The following DLGAP2 variants were observed in gnomAD, a reference collection of about 807,000 sequenced individuals.
The protein encoded by DLGAP2 is disks large-associated protein 2.
Under a neutral mutation model 100.3 loss-of-function variants are expected in DLGAP2, and 26 were observed. The ratio of observed to expected loss-of-function variants is 0.26; its 90% CI spans 0.19 to 0.36. The LOEUF (loss-of-function observed/expected upper bound fraction) is 0.36, where lower values mean the gene tolerates loss of function less well. Among genes scored for constraint, DLGAP2 ranks in the 10% least tolerant of loss-of-function variants. The pLI is 1.00. For missense variants in DLGAP2, 1,858 were observed against 1,453.2 expected (o/e 1.28, Z -4.53); for synonymous variants, 886 against 630.1 (o/e 1.41, Z -6.08).
At position 1,600,326 on chromosome 8, in the gene DLGAP2, T is replaced by C. The variant is rs559469767; in HGVS notation, c.1443-26414T>C. Among the ~76,000 whole-genome samples, 3 of 152,316 alleles carry C rather than the reference T, an allele frequency of 2.0e-5. No homozygotes were observed. The East Asian group carries it at 5.8e-4, about 29-fold the overall frequency. Reference sequence around the variant, plus strand: ...ATCATTTTTTCCTTCATTTCAACCTTGGTGAATCCGACGATTATGTGTCTT... The same window carrying C: ...ATCATTTTTTCCTTCATTTCAACCTCGGTGAATCCGACGATTATGTGTCTT... On this transcript the variant is annotated intron_variant, in intron 6 of 14. Coordinates refer to ENST00000637795, the MANE Select transcript of DLGAP2 (RefSeq NM_001346810.2).
At chr8:1,368,270 GTA>G (rs1326033155) in intron 3 of DLGAP2, among the ~76,000 whole-genome samples, 1 of 151,930 alleles carries the variant, frequency 6.6e-6, no homozygotes, top group Non-Finnish European at 1.5e-5. Context: ...GTGTGTGCAG[GTA>G]TGTGTGTATG....
chr8:757,517 A>T (rs941869625), intron 1 of DLGAP2, among the ~76,000 whole-genome samples: 2 of 152,006 alleles, frequency 1.3e-5, no homozygotes, highest in African/African-American at 4.8e-5. Flanking sequence ...GTGGGTTCCT[A>T]AGCATGAGCC....
intron 2 of DLGAP2, among the ~76,000 whole-genome samples, chr8:1,254,936 C>CCTCTCA (rs1799141722): frequency 3.1e-5 from 3 of 95,782 alleles, no homozygotes; most frequent in Admixed American, 1.3e-4. Context: ...TGTGTGCCCT[C>CCTCTCA]TCCTGCCCGG....
chr8:1,222,880 A>G (rs1471604487), intron 2 of DLGAP2, among the ~76,000 whole-genome samples: 1 of 152,146 alleles, frequency 6.6e-6, no homozygotes, highest in Non-Finnish European at 1.5e-5. Context: ...GACTGGCTGC[A>G]TCCCAGGAGC....
At chr8:902,246 G>C (rs1385289909) in intron 1 of DLGAP2, among the ~76,000 whole-genome samples, 1 of 152,134 alleles carries the variant, frequency 6.6e-6, no homozygotes, top group East Asian at 1.9e-4. Flanking sequence ...ATTCCTACTG[G>C]ATAGGAGTCC....
chr8:768,407 G>A (rs1401553875), intron 1 of DLGAP2, among the ~76,000 whole-genome samples: 1 of 150,778 alleles, frequency 6.6e-6, no homozygotes, highest in Non-Finnish European at 1.5e-5. Context: ...GAACCAGGAG[G>A]GAAGGCGTTG....
chr8:1,312,931 C>T (rs1242818332), intron 3 of DLGAP2, among the ~76,000 whole-genome samples: 1 of 152,192 alleles, frequency 6.6e-6, no homozygotes, highest in Non-Finnish European at 1.5e-5. Context: ...TGAGGCCAAG[C>T]CCTACGTGCG....
intron 2 of DLGAP2, among the ~76,000 whole-genome samples, chr8:917,314 C>G (rs1245835688): frequency 6.7e-6 from 1 of 148,522 alleles, no homozygotes; most frequent in African/African-American, 2.5e-5. Context: ...CCACAGTTCA[C>G]TAGAACCTCC....
chr8:1,129,219 C>G (rs1410373807), intron 2 of DLGAP2, among the ~76,000 whole-genome samples: 1 of 152,026 alleles, frequency 6.6e-6, no homozygotes, highest in Non-Finnish European at 1.5e-5. Context: ...TCCTGGCCAA[C>G]ATGGTGAAAA....
At chr8:980,092 C>T (rs1018418418) in intron 2 of DLGAP2, among the ~76,000 whole-genome samples, 1 of 152,174 alleles carries the variant, frequency 6.6e-6, no homozygotes, top group African/African-American at 2.4e-5. Context: ...GCATGGGACA[C>T]CAAGGCCAGA....
intron 6 of DLGAP2, among the ~76,000 whole-genome samples, chr8:1,566,450 A>C (rs956623410): frequency 2.0e-5 from 3 of 152,230 alleles, no homozygotes; most frequent in African/African-American, 7.2e-5. Flanking sequence ...TTGGGAAATC[A>C]GCAATTCCTA....
At chr8:788,782 C>A (rs576749290) in intron 1 of DLGAP2, among the ~76,000 whole-genome samples, 5 of 152,186 alleles carry the variant, frequency 3.3e-5, no homozygotes, top group Non-Finnish European at 7.3e-5. Context: ...CTTATTTTCA[C>A]TGGGTCGTGG....
At chr8:1,037,618 T>A (rs1056306193) in intron 2 of DLGAP2, among the ~76,000 whole-genome samples, 1 of 152,228 alleles carries the variant, frequency 6.6e-6, no homozygotes, top group Non-Finnish European at 1.5e-5. Context: ...CTACAAAATG[T>A]AGTTTTTAAA....
chr8:1,175,345 G>A (rs921392455), intron 2 of DLGAP2, among the ~76,000 whole-genome samples: 3 of 152,138 alleles, frequency 2.0e-5, no homozygotes, highest in Non-Finnish European at 4.4e-5. Context: ...GTGAATCTCT[G>A]TAGCACATCT....
intron 6 of DLGAP2, among the ~76,000 whole-genome samples, chr8:1,589,861 C>G (rs959212000): frequency 3.9e-5 from 6 of 152,198 alleles, no homozygotes; most frequent in Non-Finnish European, 7.3e-5. Context: ...GAGGTCACTT[C>G]TGACCCCGCA....
intron 6 of DLGAP2, among the ~76,000 whole-genome samples, chr8:1,569,726 C>A (rs576230216): frequency 1.3e-5 from 2 of 152,242 alleles, no homozygotes; most frequent in African/African-American, 2.4e-5. Flanking sequence ...GGAGGCTGCA[C>A]AAGCCACCAA....
chr8:986,277 G>GC (rs1358263646), intron 2 of DLGAP2, among the ~76,000 whole-genome samples: 1 of 152,144 alleles, frequency 6.6e-6, no homozygotes. Flanking sequence ...TGGCTTCTGT[G>GC]CCGGGTTTCC....
chr8:976,642 T>G (rs1800171539), intron 2 of DLGAP2, among the ~76,000 whole-genome samples: 1 of 151,984 alleles, frequency 6.6e-6, no homozygotes, highest in South Asian at 2.1e-4. Context: ...ATAGACTCAG[T>G]GCAAATAGGG....
chr8:1,251,238 G>A (rs1289046501), intron 2 of DLGAP2, among the ~76,000 whole-genome samples: 1 of 152,100 alleles, frequency 6.6e-6, no homozygotes, highest in Non-Finnish European at 1.5e-5. Context: ...TACATGACTG[G>A]TGTTATTAGA....
Sources: gnomAD v4.1 joint callset for allele counts (sites outside exome capture counted in the v4.1 genomes callset) on GRCh38, gnomAD v4.1.1 for gene constraint, MANE v1.5 for transcripts, NCBI Gene and HGNC (gene_info 2026-07-23, HGNC 2026-07-21) for gene names.